FOCAD: variants seen among roughly 807,000 people sequenced by gnomAD.
FOCAD encodes focadhesin.
Under a neutral mutation model 225.6 loss-of-function variants are expected in FOCAD, and 198 were observed. The ratio of observed to expected loss-of-function variants is 0.88; its 90% CI spans 0.78 to 0.99. The LOEUF is 0.99. Ranked by LOEUF, FOCAD falls within the 50% of genes least tolerant of loss-of-function variation. FOCAD has a pLI of 0.00. For missense variants in FOCAD, 2,713 were observed against 2,123.6 expected (o/e 1.28, Z -5.46); for synonymous variants, 897 against 755.0 (o/e 1.19, Z -3.08).
intron 35 of FOCAD, among the ~76,000 whole-genome samples, chr9:20,968,027 G>C (rs969923403): frequency 1.3e-5 from 2 of 152,146 alleles, no homozygotes; most frequent in African/African-American, 4.8e-5. Context: ...AATTGAGAAA[G>C]ATTGGTGTTA....
chr9:20,765,506 G>A (rs1415030726), intron 7 of FOCAD, among the ~76,000 whole-genome samples: 1 of 151,914 alleles, frequency 6.6e-6, no homozygotes, highest in Non-Finnish European at 1.5e-5. Flanking sequence ...CCAGCTGAGT[G>A]CCAGCTAGAT....
rs374222104 is a variant in FOCAD, at chr9:20,922,214, A to C, written c.2853-1446A>C. Among the ~76,000 whole-genome samples the C allele has an allele frequency of 7.9e-4, 120 of 152,290 alleles. 4 individuals carry two copies. In the South Asian group the frequency reaches 0.024, roughly 30 times the overall value. On this transcript the variant is annotated intron_variant, in intron 24 of 43. Transcript: ENST00000338382. The stretch of plus-strand genomic sequence containing the variant: ...TAATTCTCTTTGTAGAACTCTAGCA[A>C]AACCCAGGTTGGGGCCATCTGCTTA...
chr9:20,662,340 C>G (rs1821752977), intron 2 of FOCAD, among the ~76,000 whole-genome samples: 1 of 152,170 alleles, frequency 6.6e-6, no homozygotes, highest in Non-Finnish European at 1.5e-5. Flanking sequence ...CAGCTGTCAG[C>G]TCCTTTAGGG....
At chr9:20,655,653 A>C (rs991651535), upstream of FOCAD, among the ~76,000 whole-genome samples, 3 of 152,112 alleles carry the variant, frequency 2.0e-5, no homozygotes, top group African/African-American at 7.2e-5. Context: ...TGTGTCTATT[A>C]AATTCTTCTC....
intron 15 of FOCAD, among the ~76,000 whole-genome samples, chr9:20,841,553 C>T (rs1378999358): frequency 6.6e-6 from 1 of 151,792 alleles, no homozygotes; most frequent in Non-Finnish European, 1.5e-5. Flanking sequence ...CATATAGTTG[C>T]TCATTGGTAG....
At chr9:20,673,786 G>T (rs899670661) in intron 2 of FOCAD, among the ~76,000 whole-genome samples, 1 of 152,066 alleles carries the variant, frequency 6.6e-6, no homozygotes, top group Non-Finnish European at 1.5e-5. Flanking sequence ...TGCCGAGGCT[G>T]GTCTTGAACC....
At chr9:20,790,371 G>A (rs1820393273) in intron 11 of FOCAD, among the ~76,000 whole-genome samples, 1 of 152,050 alleles carries the variant, frequency 6.6e-6, no homozygotes, top group African/African-American at 2.4e-5. Flanking sequence ...CTGTGCTTGT[G>A]TTTCTTTTCA....
intron 2 of FOCAD, among the ~76,000 whole-genome samples, chr9:20,672,098 T>C (rs1470786055): frequency 6.6e-6 from 1 of 152,168 alleles, no homozygotes; most frequent in Admixed American, 6.5e-5. Flanking sequence ...TACTCTACTT[T>C]TGTGTGAAGG....
chr9:20,947,611 G>A (rs924756013), intron 30 of FOCAD, among the ~76,000 whole-genome samples: 2 of 151,958 alleles, frequency 1.3e-5, no homozygotes, highest in Non-Finnish European at 2.9e-5. Context: ...ACTTAATGCC[G>A]CTGAACTGGT....
intron 21 of FOCAD, among the ~76,000 whole-genome samples, chr9:20,899,828 G>A (rs1313015256): frequency 1.3e-5 from 2 of 151,664 alleles, no homozygotes; most frequent in East Asian, 2.0e-4. Flanking sequence ...ATTCTCCCCT[G>A]TTACTTTTAG....
At chr9:20,930,564 A>G (rs375980536) in intron 27 of FOCAD, among the ~76,000 whole-genome samples, 2 of 152,226 alleles carry the variant, frequency 1.3e-5, no homozygotes, top group South Asian at 2.1e-4. Context: ...ACACTATGCT[A>G]TATTTATTTC....
Position 20,948,252 on chromosome 9 carries a change from TTTTA to T in FOCAD, c.3676-9_3676-6del. ...TTTTTTTTTCTTTTTCTTACCCCAT[TTTTA>T]TTTATTTATATCAGACTTCAGGTTT... On this transcript the variant is annotated splice_polypyrimidine_tract_variant and intron_variant, in intron 30 of 43. Coordinates refer to ENST00000338382, the MANE Select transcript of FOCAD (RefSeq NM_001375567.1). 6.3e-7 allele frequency: 1 copy of T among 1,578,242 alleles called. No individual in the cohort carries two copies. Among genetic ancestry groups the T allele is most frequent in the Non-Finnish European group, 8.6e-7 (1 of 1,165,360 alleles).
chr9:20,990,403 G>C (rs1412192433), intron 42 of FOCAD, 29 bp downstream of exon 42: 1 of 1,608,780 alleles, frequency 6.2e-7, no homozygotes, highest in African/African-American at 1.3e-5. Flanking sequence ...TGCTTAGCAG[G>C]GCAGGCAGCC....
chr9:20,862,680 C>G lies in FOCAD; in HGVS notation c.2023C>G (p.Pro675Ala), dbSNP rs1184881313. The G allele has an allele frequency of 1.1e-5, 18 of 1,612,922 alleles. No individual in the cohort carries two copies. Among genetic ancestry groups the G allele is most frequent in the Non-Finnish European group, 1.4e-5 (17 of 1,179,392 alleles). The change falls in exon 16 of 44, where the codon CCT (proline) becomes GCT (alanine). Residue 675 changes from proline (P) to alanine (A), a missense_variant. Coordinates refer to ENST00000338382, the MANE Select transcript of FOCAD (RefSeq NM_001375567.1). ...ACTGAGTGAACTATTTTCTCTAGTT[C>G]CTTCCTTAACGGTCAATACAACTGA... ...KTLSELFSLV[P>A]SLTVNTTEYE... is the part of the protein sequence containing the mutation.
At chr9:20,884,200 TTTATAC>T (rs536462338) in intron 20 of FOCAD, among the ~76,000 whole-genome samples, 117 of 152,358 alleles carry the variant, frequency 7.7e-4, no homozygotes, top group Non-Finnish European at 1.2e-3. Context: ...TGTTCATTTA[TTTATAC>T]TTATACTTAT....
At chr9:20,958,087 T>C (rs890893767) in intron 35 of FOCAD, among the ~76,000 whole-genome samples, 1 of 131,844 alleles carries the variant, frequency 7.6e-6, no homozygotes, top group Non-Finnish European at 1.7e-5. Context: ...TCAGGCAAAC[T>C]GTGTCTGTAA....
chr9:20,688,674 G>T (rs913213137), intron 1 of FOCAD, among the ~76,000 whole-genome samples: 2 of 152,178 alleles, frequency 1.3e-5, no homozygotes, highest in Non-Finnish European at 2.9e-5. Flanking sequence ...ACACTACCCT[G>T]TAGGAAAGAT....
chr9:20,861,096 A>G, intron 15 of FOCAD, among the ~76,000 whole-genome samples: 1 of 152,116 alleles, frequency 6.6e-6, no homozygotes, highest in East Asian at 1.9e-4. Flanking sequence ...ACCTTCCCTG[A>G]TGACTCCTAC....
intron 28 of FOCAD, among the ~76,000 whole-genome samples, chr9:20,936,139 G>A (rs901734336): frequency 1.2e-4 from 19 of 152,120 alleles, no homozygotes; most frequent in African/African-American, 4.1e-4. Context: ...GTTTTGGAAC[G>A]TCAGGCATGA....
Sources: allele counts gnomAD v4.1 joint callset (sites outside exome capture counted in the v4.1 genomes callset), GRCh38; gene constraint gnomAD v4.1.1; transcripts MANE v1.5; gene names NCBI Gene and HGNC (gene_info 2026-07-23, HGNC 2026-07-21).